EPHB1: variants seen among roughly 807,000 people sequenced by gnomAD.
EPHB1 encodes the protein EPH receptor B1, also known as ephrin type-B receptor 1.
Under a neutral mutation model 94.4 loss-of-function variants are expected in EPHB1, and 30 were observed. The observed-to-expected ratio is 0.32, with a 90% CI of 0.24 to 0.43. The LOEUF (loss-of-function observed/expected upper bound fraction) is 0.43. Among genes scored for constraint, EPHB1 ranks in the 20% least tolerant of loss-of-function variants. EPHB1 has a pLI of 1.00. For missense variants in EPHB1, 1,055 were observed against 1,308.3 expected (o/e 0.81, Z 2.99); for synonymous variants, 522 against 489.1 (o/e 1.07, Z -0.89).
chr3:135,067,063 T>A (rs1051173949), intron 3 of EPHB1, among the ~76,000 whole-genome samples: 1 of 152,258 alleles, frequency 6.6e-6, no homozygotes, highest in African/African-American at 2.4e-5. Flanking sequence ...CTCTCAGCCG[T>A]GGATACCAGC....
chr3:135,255,976 CCTT>C, intron 15 of EPHB1, among the ~76,000 whole-genome samples: 1 of 149,374 alleles, frequency 6.7e-6, no homozygotes, highest in East Asian at 2.0e-4. Context: ...TATGTAATGG[CCTT>C]CTTTGTCTCT....
At chr3:135,179,518 C>T (rs150414631) in intron 9 of EPHB1, among the ~76,000 whole-genome samples, 1 of 152,310 alleles carries the variant, frequency 6.6e-6, no homozygotes, top group East Asian at 1.9e-4. Context: ...TCTGCTAATG[C>T]ATTTGGTTGG....
intron 2 of EPHB1, among the ~76,000 whole-genome samples, chr3:134,950,719 A>C (rs968749792): frequency 1.3e-5 from 2 of 152,196 alleles, no homozygotes; most frequent in African/African-American, 4.8e-5. Flanking sequence ...CCCCATAATC[A>C]AATCACCTCC....
rs1933475625 is a variant in EPHB1, at chr3:134,960,587, G to T, written c.805+8535G>T. On this transcript the variant is annotated intron_variant, in intron 3 of 15. Coordinates refer to ENST00000398015, the MANE Select transcript of EPHB1 (RefSeq NM_004441.5). Reference sequence around the variant, plus strand: ...TCTCATCTTCCTTTGTACCCACCTAGCCTGCTGCAGGATGAGTCTGTGAAG... The same window carrying T: ...TCTCATCTTCCTTTGTACCCACCTATCCTGCTGCAGGATGAGTCTGTGAAG... 2.0e-5 allele frequency among the ~76,000 whole-genome samples: 3 copies of T among 152,164 alleles called. No individual in the cohort carries two copies. In the South Asian group the frequency reaches 6.2e-4, roughly 32 times the overall value.
chr3:134,897,446 A>G (rs1197098766), intron 1 of EPHB1, among the ~76,000 whole-genome samples: 2 of 152,182 alleles, frequency 1.3e-5, no homozygotes, highest in Non-Finnish European at 2.9e-5. Context: ...GGTTGGTTAC[A>G]TCACACGCAG....
chr3:134,962,956 G>A (rs1050716657), intron 3 of EPHB1, among the ~76,000 whole-genome samples: 1 of 152,182 alleles, frequency 6.6e-6, no homozygotes, highest in African/African-American at 2.4e-5. Context: ...TCTGCCAGGG[G>A]TGTTGGCTCA....
intron 3 of EPHB1, among the ~76,000 whole-genome samples, chr3:135,000,649 A>T (rs1364915351): frequency 6.6e-6 from 1 of 152,224 alleles, no homozygotes; most frequent in Non-Finnish European, 1.5e-5. Flanking sequence ...TGGCATTGTT[A>T]CAAAAACTCT....
intron 3 of EPHB1, among the ~76,000 whole-genome samples, chr3:135,050,272 T>C (rs1937131918): frequency 6.6e-6 from 1 of 152,204 alleles, no homozygotes; most frequent in African/African-American, 2.4e-5. Context: ...GACGTGACTC[T>C]CTTGAAAATG....
intron 1 of EPHB1, among the ~76,000 whole-genome samples, chr3:134,841,099 C>T (rs1461011036): frequency 6.6e-6 from 1 of 152,204 alleles, no homozygotes; most frequent in African/African-American, 2.4e-5. Flanking sequence ...ACCCTTATTC[C>T]ACCAGGAGAA....
intron 3 of EPHB1, among the ~76,000 whole-genome samples, chr3:135,062,825 G>A (rs1937532960): frequency 6.6e-6 from 1 of 152,120 alleles, no homozygotes; most frequent in South Asian, 2.1e-4. Flanking sequence ...TCAGGTCTTG[G>A]ATTTAAGTCC....
chr3:135,132,694 C>CCCA lies in EPHB1; in HGVS notation c.962-19_962-18insCAC, dbSNP rs780987824. On this transcript the variant is annotated intron_variant, in intron 4 of 15. Coordinates refer to ENST00000398015, the MANE Select transcript of EPHB1 (RefSeq NM_004441.5). Reference sequence around the variant, plus strand: ...GAAGCTTATGTCTAGCCTCACTGGACCTTCTTTGTCTCCCTGCAGGCGTCC... The same window carrying CCCA: ...GAAGCTTATGTCTAGCCTCACTGGACCCACTTCTTTGTCTCCCTGCAGGCGTCC... The CCCA allele has an allele frequency of 5.8e-6, 9 of 1,554,362 alleles. No individual in the cohort carries two copies. The Admixed American group carries it at 1.6e-4, about 28-fold the overall frequency.
At chr3:135,156,911 C>A (rs139114419) in intron 6 of EPHB1, among the ~76,000 whole-genome samples, 1 of 152,176 alleles carries the variant, frequency 6.6e-6, no homozygotes, top group Non-Finnish European at 1.5e-5. Flanking sequence ...AACAAGGGTC[C>A]ACCCAGTCCC....
At chr3:135,030,356 T>C (rs1467790923) in intron 3 of EPHB1, among the ~76,000 whole-genome samples, 7 of 152,254 alleles carry the variant, frequency 4.6e-5, no homozygotes, top group Non-Finnish European at 1.0e-4. Flanking sequence ...TTTGTGGTTT[T>C]ATCTACTTTT....
At chr3:134,907,185 G>C (rs1193797542) in intron 1 of EPHB1, among the ~76,000 whole-genome samples, 1 of 152,166 alleles carries the variant, frequency 6.6e-6, no homozygotes, top group Non-Finnish European at 1.5e-5. Flanking sequence ...TAAGAAATCT[G>C]GGGCTCAGAG....
chr3:134,865,087 CAT>C (rs2037345792), intron 1 of EPHB1, among the ~76,000 whole-genome samples: 1 of 150,018 alleles, frequency 6.7e-6, no homozygotes, highest in Admixed American at 6.6e-5. Flanking sequence ...TGTGTGTGTG[CAT>C]GTGTGTGTGT....
At chr3:134,950,331 T>G (rs1932975131) in intron 2 of EPHB1, among the ~76,000 whole-genome samples, 1 of 152,230 alleles carries the variant, frequency 6.6e-6, no homozygotes, top group African/African-American at 2.4e-5. Context: ...TGCTTGAAAT[T>G]TGCACACAAT....
At chr3:135,078,094 C>G (rs1938011800) in intron 3 of EPHB1, among the ~76,000 whole-genome samples, 1 of 152,172 alleles carries the variant, frequency 6.6e-6, no homozygotes, top group African/African-American at 2.4e-5. Context: ...GAGATTCAAT[C>G]ACAGTTATCT....
intron 2 of EPHB1, among the ~76,000 whole-genome samples, chr3:134,930,931 A>G (rs987944789): frequency 4.6e-5 from 7 of 152,214 alleles, no homozygotes; most frequent in African/African-American, 1.7e-4. Flanking sequence ...TGGTCAGAGA[A>G]TGAGCCAGCT....
intron 12 of EPHB1, among the ~76,000 whole-genome samples, chr3:135,208,140 G>C (rs571167461): frequency 6.6e-6 from 1 of 152,314 alleles, no homozygotes; most frequent in African/African-American, 2.4e-5. Flanking sequence ...AGGGAAGATG[G>C]AGTGGAACTG....
Sources: allele counts gnomAD v4.1 joint callset (sites outside exome capture counted in the v4.1 genomes callset), GRCh38; gene constraint gnomAD v4.1.1; transcripts MANE v1.5; gene names NCBI Gene and HGNC (gene_info 2026-07-23, HGNC 2026-07-21).